FAT2: variants seen among roughly 807,000 people sequenced by gnomAD.
The protein encoded by FAT2 is FAT atypical cadherin 2.
A neutral mutation model predicts 295.3 loss-of-function variants in FAT2; 150 were observed. That is an observed-to-expected ratio of 0.51 (90% CI 0.44 to 0.58). The LOEUF is 0.58. Among genes scored for constraint, FAT2 ranks in the 20% least tolerant of loss-of-function variants. The pLI is 0.00. For missense variants in FAT2, 4,868 were observed against 5,442.7 expected (o/e 0.89, Z 3.32); for synonymous variants, 2,026 against 2,150.3 (o/e 0.94, Z 1.60).
chr5:151,506,198 G>C (rs1760859581), intron 23 of FAT2, 101 bp from the exon 24 acceptor site: 2 of 1,295,584 alleles, frequency 1.5e-6, no homozygotes, highest in South Asian at 1.8e-5. Flanking sequence ...GTGGAGATGG[G>C]AGTGGGTGGG....
At position 151,551,500 on chromosome 5, in the gene FAT2, C is replaced by T. The variant is rs771920751; in HGVS notation, c.4263G>A (p.Glu1421=). ...RRRSNYNLTV[E]VTDGSRTIAT... ...CAATGGTGCGGGACCCATCTGTCAC[C>T]TCAACAGTCAAGTTATAGTTCGACC... is the stretch of plus-strand genomic sequence containing the variant. The change falls in exon 7 of 24, where the codon GAG becomes GAA. Residue 1421 remains glutamate (E), a synonymous_variant. Coordinates refer to ENST00000261800, the MANE Select transcript of FAT2 (RefSeq NM_001447.3). The T allele has an allele frequency of 5.3e-5, 86 of 1,614,114 alleles. No individual in the cohort carries two copies. The highest frequency in any genetic ancestry group is 6.9e-5 in the Non-Finnish European group (81 of 1,180,052).
chr5:151,581,204 A>G (rs547300319), intron 1 of FAT2, among the ~76,000 whole-genome samples: 374 of 152,342 alleles, frequency 2.5e-3, no homozygotes, highest in African/African-American at 8.6e-3. Flanking sequence ...CTCTTCAGAC[A>G]TAAACGAGGA....
chr5:151,536,530 G>A (rs1379186015), intron 12 of FAT2, among the ~76,000 whole-genome samples: 1 of 152,036 alleles, frequency 6.6e-6, no homozygotes, highest in African/African-American at 2.4e-5. Context: ...AGCAGGGCAG[G>A]AATCCCTCCT....
At chr5:151,537,658 G>T in intron 12 of FAT2, 135 bp downstream of exon 12, 1 of 816,096 alleles carries the variant, frequency 1.2e-6, no homozygotes, top group Non-Finnish European at 1.9e-6. Flanking sequence ...ACAATGCTTG[G>T]CACATAGGGC....
rs1385509512 is a variant in FAT2 at position 151,563,469 on chromosome 5, G to T, written c.3430C>A (p.Pro1144Thr). 2 of 1,614,192 alleles carry T rather than the reference G, an allele frequency of 1.2e-6. No individual in the cohort carries two copies. The highest frequency in any genetic ancestry group is 2.2e-5 in the East Asian group (1 of 44,882). The change falls in exon 3 of 24, where the codon CCC becomes ACC. Residue 1144 changes from proline (P) to threonine (T), a missense_variant. Coordinates refer to ENST00000261800, the MANE Select transcript of FAT2 (RefSeq NM_001447.3). ...ACGGGAGCATCCTCCTGGATGGAGG[G>T]GTAGAACACAGCTTGGGACATCTGG... ...PPQMSQAVFY[P>T]SIQEDAPVGT...
At chr5:151,522,443 C>T (rs922784060) in intron 18 of FAT2, among the ~76,000 whole-genome samples, 3 of 152,204 alleles carry the variant, frequency 2.0e-5, no homozygotes, top group Non-Finnish European at 2.9e-5. Context: ...TCCTCAAGGG[C>T]GCCCTCAGAT....
At chr5:151,534,311 G>A (rs138710832) in intron 13 of FAT2, 98 bp downstream of exon 13, 10,606 of 896,472 alleles carry the variant, frequency 0.012, 81 homozygotes, top group Admixed American at 0.015. Context: ...AGGAGGCACC[G>A]CCCTTACCAG....
chr5:151,504,818 G>A lies in FAT2; in HGVS notation c.*747C>T, dbSNP rs893959489. On this transcript the variant is annotated 3_prime_UTR_variant, in exon 24 of 24. Transcript: ENST00000261800. The stretch of plus-strand genomic sequence containing the variant: ...AAGGTTCAGAGCTGTGTAGACTCCT[G>A]GCAGGCCCTGACTGGCAGCCAGTGG... 2.0e-5 allele frequency: 3 copies of A among 152,654 alleles called. No individual in the cohort carries two copies. Among genetic ancestry groups the A allele is most frequent in the African/African-American group, 7.2e-5 (3 of 41,440 alleles). The allele number at this position is 152,654 out of a possible 1,614,324, so 9.5% of individuals were successfully genotyped here. A position where few individuals can be genotyped will look rare whatever the true frequency, so the allele number is the denominator to read the frequency against.
At chr5:151,594,222 C>G (rs1365140838), upstream of FAT2, among the ~76,000 whole-genome samples, 1 of 152,194 alleles carries the variant, frequency 6.6e-6, no homozygotes, top group Non-Finnish European at 1.5e-5. Context: ...GCCCTTAACC[C>G]AGCATTTTGT....
At chr5:151,582,928 G>T (rs561222846) in intron 1 of FAT2, among the ~76,000 whole-genome samples, 2 of 152,220 alleles carry the variant, frequency 1.3e-5, no homozygotes, top group South Asian at 4.2e-4. Flanking sequence ...AAGAGCAGAC[G>T]GGAGAGGGAA....
At chr5:151,558,649 TAAC>T (rs948891346) in intron 3 of FAT2, among the ~76,000 whole-genome samples, 2 of 151,704 alleles carry the variant, frequency 1.3e-5, no homozygotes, top group African/African-American at 2.4e-5. Flanking sequence ...ACAGCAGAAA[TAAC>T]AACTATTGCC....
chr5:151,563,351 C>T lies in FAT2; in HGVS notation c.3548G>A (p.Gly1183Glu), dbSNP rs763646112. The T allele has an allele frequency of 6.2e-7, 1 of 1,614,120 alleles. No homozygotes were observed. Among genetic ancestry groups the T allele is most frequent in the Non-Finnish European group, 8.5e-7 (1 of 1,179,972 alleles). ...TGTAACAGGGTGAATCATAAAGAAT[C>T]CCATGTAGTTCCCACTGGTGATGTT... is the stretch of plus-strand genomic sequence containing the variant. ...TFNITSGNYM[G>E]FFMIHPVTGL... Residue 1183 changes from glycine (G) to glutamate (E), a missense_variant, in exon 3 of 24, where the codon GGA (glycine) becomes GAA (glutamate). By Grantham distance (98) the Gly-to-Glu change is moderately conservative (BLOSUM62 -2). Coordinates refer to ENST00000261800, the MANE Select transcript of FAT2 (RefSeq NM_001447.3).
At chr5:151,518,963 C>A (rs1311964658) in intron 19 of FAT2, among the ~76,000 whole-genome samples, 2 of 152,112 alleles carry the variant, frequency 1.3e-5, no homozygotes, top group African/African-American at 4.8e-5. Context: ...AGATACCTAG[C>A]AAAGAGGAAT....
At chr5:151,593,658 C>T (rs1759494514), upstream of FAT2, among the ~76,000 whole-genome samples, 1 of 152,120 alleles carries the variant, frequency 6.6e-6, no homozygotes, top group Admixed American at 6.6e-5. Context: ...ATATTCCACT[C>T]CCCTTTGTGA....
Position 151,545,758 on chromosome 5 carries a change from G to A in FAT2, c.5369C>T (p.Ser1790Phe), listed in dbSNP as rs756694724. ...KNNNPFVIHA[S>F]DSDKEANSLL... ...GGAATTAGCTTCTTTGTCACTGTCA[G>A]AGGCATGAATCACAAAGGGGTTGTT... The change falls in exon 10 of 24, where the codon TCT (serine) becomes TTT (phenylalanine). Residue 1790 changes from serine to phenylalanine, a missense_variant. By Grantham distance (155) the Ser-to-Phe change is radical. Transcript: ENST00000261800. The A allele has an allele frequency of 3.7e-6, 6 of 1,614,150 alleles. No individual in the cohort carries two copies. The highest frequency in any genetic ancestry group is 5.1e-6 in the Non-Finnish European group (6 of 1,180,022).
At chr5:151,521,161 C>A (rs1381118669) in intron 19 of FAT2, 115 bp downstream of exon 19, 13 of 1,102,954 alleles carry the variant, frequency 1.2e-5, no homozygotes, top group Non-Finnish European at 1.4e-5. Context: ...GGCCTTTGGG[C>A]TTATTAAAAC....
Position 151,524,678 on chromosome 5 carries a change from C to T in FAT2, c.10506+1090G>A, listed in dbSNP as rs150551338. Among the ~76,000 whole-genome samples the T allele has an allele frequency of 1.3e-3, 205 of 152,340 alleles. 1 individual carries two copies. The East Asian group carries it at 0.02, about 15-fold the overall frequency. On this transcript the variant is annotated intron_variant, in intron 18 of 23. Coordinates refer to ENST00000261800, the MANE Select transcript of FAT2 (RefSeq NM_001447.3). ...TCAGATAATACAGTCATCCAAGCCACAAGGCCCACATGATCTACCCAGCCT... is the reference window on the plus strand; with the variant it reads ...TCAGATAATACAGTCATCCAAGCCATAAGGCCCACATGATCTACCCAGCCT...
At chr5:151,553,921 G>T (rs574095666) in intron 5 of FAT2, among the ~76,000 whole-genome samples, 19 of 152,350 alleles carry the variant, frequency 1.2e-4, no homozygotes, top group African/African-American at 4.6e-4. Context: ...TGAGACTGGG[G>T]TTGAATTCAG....
At chr5:151,586,204 C>T (rs751154957) in intron 1 of FAT2, among the ~76,000 whole-genome samples, 1 of 152,262 alleles carries the variant, frequency 6.6e-6, no homozygotes, top group Non-Finnish European at 1.5e-5. Context: ...AACACGTGCA[C>T]ACATGCTGAC....
Sources: gnomAD v4.1 joint callset for allele counts (sites outside exome capture counted in the v4.1 genomes callset) on GRCh38, gnomAD v4.1.1 for gene constraint, MANE v1.5 for transcripts, NCBI Gene and HGNC (gene_info 2026-07-23, HGNC 2026-07-21) for gene names.